Variants in SOX5 observed in about 807,000 individuals in gnomAD.
SOX5 encodes transcription factor SOX-5.
SOX5 carries 9 observed loss-of-function variants against 92.0 expected under a neutral mutation model. The ratio of observed to expected loss-of-function variants is 0.10; its 90% CI spans 0.06 to 0.17. SOX5 has a LOEUF of 0.17. SOX5 is among the 10% of genes least tolerant of loss of function. SOX5 has a pLI of 1.00. For synonymous variants in SOX5, 344 were observed against 336.3 expected, an observed-to-expected ratio of 1.02 and a Z score of -0.25; for missense variants, 642 against 944.5, an observed-to-expected ratio of 0.68 and a Z score of 4.20.
At chr12:23,632,173 T>C (rs1195163860) in intron 8 of SOX5, 1 of 152,172 alleles carries the variant, frequency 6.6e-6, no homozygotes, top group Non-Finnish European at 1.5e-5. Flanking sequence ...ATTAATCATA[T>C]GTGTGCTTCT....
intron 3 of SOX5, among the ~76,000 whole-genome samples, chr12:23,776,597 G>T (rs937966305): frequency 6.6e-6 from 1 of 152,130 alleles, no homozygotes; most frequent in Non-Finnish European, 1.5e-5. Flanking sequence ...TTAGCACCAC[G>T]GACCAGTCTC....
At chr12:23,986,109 G>C (rs996796854) in intron 4 of SOX5, among the ~76,000 whole-genome samples, 2 of 151,934 alleles carry the variant, frequency 1.3e-5, no homozygotes, top group Non-Finnish European at 1.5e-5. Context: ...TTTCTCCCTT[G>C]TTATATAATA....
chr12:24,162,374 A>T (rs1374945559), intron 4 of SOX5, among the ~76,000 whole-genome samples: 1 of 152,118 alleles, frequency 6.6e-6, no homozygotes, highest in Non-Finnish European at 1.5e-5. Flanking sequence ...TAATTAGACA[A>T]AAGTAATGAC....
At chr12:23,854,029 C>A (rs911196908) in intron 2 of SOX5, among the ~76,000 whole-genome samples, 1 of 151,968 alleles carries the variant, frequency 6.6e-6, no homozygotes, top group Non-Finnish European at 1.5e-5. Flanking sequence ...TTTTTATTGT[C>A]GTTTTTAGTA....
At chr12:24,318,280 CAA>C (rs1488416514) in intron 2 of SOX5, among the ~76,000 whole-genome samples, 1 of 152,158 alleles carries the variant, frequency 6.6e-6, no homozygotes, top group Non-Finnish European at 1.5e-5. Flanking sequence ...CCCATGCAGT[CAA>C]GTTTCAAGGA....
chr12:23,698,727 C>G (rs1013401290), intron 6 of SOX5, among the ~76,000 whole-genome samples: 1 of 152,044 alleles, frequency 6.6e-6, no homozygotes, highest in Non-Finnish European at 1.5e-5. Flanking sequence ...TTTCATCTTA[C>G]TTTTTGTAAT....
chr12:23,920,893 A>G (rs1055483874), intron 1 of SOX5, among the ~76,000 whole-genome samples: 1 of 152,220 alleles, frequency 6.6e-6, no homozygotes, highest in Non-Finnish European at 1.5e-5. Flanking sequence ...AACAAGTATT[A>G]TGAAAAGGGC....
intron 4 of SOX5, among the ~76,000 whole-genome samples, chr12:23,977,625 T>A (rs1264297930): frequency 7.0e-6 from 1 of 142,374 alleles, no homozygotes; most frequent in African/African-American, 2.7e-5. Context: ...ATCGCACCAC[T>A]GCACTCCAGC....
chr12:23,828,753 C>CAAA (rs149215692), intron 3 of SOX5, among the ~76,000 whole-genome samples: 4 of 133,092 alleles, frequency 3.0e-5, no homozygotes, highest in East Asian at 2.0e-4. Flanking sequence ...TTCAGGACAT[C>CAAA]AAAAAAAAAA....
At chr12:24,156,060 A>C (rs899995912) in intron 4 of SOX5, among the ~76,000 whole-genome samples, 4 of 152,102 alleles carry the variant, frequency 2.6e-5, no homozygotes, top group Non-Finnish European at 5.9e-5. Context: ...CGTGCTTAGC[A>C]CTGTGAATTT....
chr12:23,654,588 C>T lies in SOX5; in HGVS notation c.931+10856G>A, dbSNP rs533906091. ...CCTTATGGCAATAAGTTCAGCTATA[C>T]TTTTTTCCTCATTATAAGTAGTTAC... is the stretch of plus-strand genomic sequence containing the variant. On this transcript the variant is annotated intron_variant, in intron 7 of 14. Coordinates refer to ENST00000451604, the MANE Select transcript of SOX5 (RefSeq NM_006940.6). 3.7e-4 allele frequency among the ~76,000 whole-genome samples: 57 copies of T among 152,152 alleles called. No individual in the cohort carries two copies. The South Asian group carries it at 6.0e-3, about 16-fold the overall frequency.
intron 4 of SOX5, among the ~76,000 whole-genome samples, chr12:24,079,022 A>G (rs576455631): frequency 6.6e-6 from 1 of 152,022 alleles, no homozygotes; most frequent in South Asian, 2.1e-4. Context: ...ACCTGATGAT[A>G]CAGCAAAAAT....
intron 8 of SOX5, among the ~76,000 whole-genome samples, chr12:23,615,120 T>G (rs78747126): frequency 0.012 from 1,765 of 152,252 alleles, 14 homozygotes; most frequent in Non-Finnish European, 0.02. Context: ...TCATCAATAC[T>G]TGGTATTGTC....
At chr12:23,649,104 C>A (rs960101035) in intron 7 of SOX5, among the ~76,000 whole-genome samples, 6 of 152,002 alleles carry the variant, frequency 3.9e-5, no homozygotes, top group Admixed American at 3.3e-4. Context: ...AAAGTGAATA[C>A]AAATAAAATA....
At chr12:24,438,712 A>G (rs759474399) in intron 1 of SOX5, among the ~76,000 whole-genome samples, 12 of 152,246 alleles carry the variant, frequency 7.9e-5, no homozygotes, top group Non-Finnish European at 1.3e-4. Flanking sequence ...AAATAGCAAG[A>G]GAACTAGAAT....
intron 9 of SOX5, among the ~76,000 whole-genome samples, chr12:23,593,467 T>A (rs1951870828): frequency 1.3e-5 from 2 of 152,188 alleles, no homozygotes; most frequent in African/African-American, 4.8e-5. Flanking sequence ...TAAAATAATC[T>A]CTATTGCTCC....
intron 6 of SOX5, among the ~76,000 whole-genome samples, chr12:23,724,005 T>C (rs2092975365): frequency 6.6e-6 from 1 of 152,186 alleles, no homozygotes; most frequent in South Asian, 2.1e-4. Flanking sequence ...AAAATGTCTT[T>C]TCCTGATTTA....
chr12:23,789,679 T>A (rs1293482222), intron 3 of SOX5, among the ~76,000 whole-genome samples: 1 of 152,038 alleles, frequency 6.6e-6, no homozygotes, highest in Non-Finnish European at 1.5e-5. Flanking sequence ...GGAAAGAAAA[T>A]CATATTTACA....
rs116094655 is a variant in SOX5 at position 24,093,079 on chromosome 12, G to A, written c.-2+120264C>T. ...AAAAATCATGAGCTAAATAAAAGGG[G>A]GGCTATTTCCAACTAAAGTTTCGGA... On this transcript the variant is annotated intron_variant, in intron 4 of 4. Transcript: ENST00000446891. Among the ~76,000 whole-genome samples the A allele has an allele frequency of 6.5e-3, 981 of 152,050 alleles. 10 individuals are homozygous for A. Among genetic ancestry groups the A allele is most frequent in the African/African-American group, 0.022 (930 of 41,454 alleles).
Sources: gnomAD v4.1 joint callset for allele counts (sites outside exome capture counted in the v4.1 genomes callset) on GRCh38, gnomAD v4.1.1 for gene constraint, MANE v1.5 for transcripts, NCBI Gene and HGNC (gene_info 2026-07-23, HGNC 2026-07-21) for gene names.